USP9X: variants seen among roughly 807,000 people sequenced by gnomAD.
USP9X encodes ubiquitin carboxyl-terminal hydrolase 9X.
A neutral mutation model predicts 190.3 loss-of-function variants in USP9X; 7 were observed. That is an observed-to-expected ratio of 0.04 (90% CI 0.02 to 0.07). The LOEUF (loss-of-function observed/expected upper bound fraction) is 0.07, where lower values mean the gene tolerates loss of function less well. Ranked by LOEUF, USP9X falls within the 10% of genes least tolerant of loss-of-function variation. The pLI is 1.00. For synonymous variants in USP9X, 645 were observed against 659.5 expected, an observed-to-expected ratio of 0.98 and a Z score of 0.34; for missense variants, 1,010 against 1,916.9, an observed-to-expected ratio of 0.53 and a Z score of 8.83.
chrX:41,216,527 T>C lies in USP9X; in HGVS notation c.5960T>C (p.Ile1987Thr). The C allele has an allele frequency of 1.7e-6, 2 of 1,211,425 alleles. No individual in the cohort carries two copies. The highest frequency in any genetic ancestry group is 1.1e-6 in the Non-Finnish European group (1 of 895,459). ...CATCAGATTATTATGCCATCAGCCATTGAGAGAAGTGTACGGAAACAGAAC... is the reference window on the plus strand; with the variant it reads ...CATCAGATTATTATGCCATCAGCCACTGAGAGAAGTGTACGGAAACAGAAC... ...RPHQIIMPSA[I>T]ERSVRKQNVQ... The change falls in exon 35 of 45, where the codon ATT becomes ACT. Residue 1987 changes from isoleucine (I) to threonine (T), a missense_variant. Physicochemically the swap from Ile to Thr is moderately conservative, Grantham distance 89. Around this residue, in one of 11 missense-constraint regions of USP9X, gnomAD observed 31 missense variants for 27.2 expected, o/e 1.14. Transcript: ENST00000378308.
intron 1 of USP9X, among the ~76,000 whole-genome samples, chrX:41,095,038 C>T (rs773129299): frequency 8.1e-5 from 8 of 98,975 alleles, no homozygotes; most frequent in South Asian, 4.9e-4. Flanking sequence ...AGCGAGACTC[C>T]GTCTCAAAAA....
chrX:41,110,148 G>T (rs1028075657), intron 1 of USP9X, among the ~76,000 whole-genome samples: 6 of 111,035 alleles, frequency 5.4e-5, no homozygotes, highest in African/African-American at 2.0e-4. Flanking sequence ...GCCCAGGCTG[G>T]CCTCAAACTC....
At chrX:41,204,233 CTTCT>C (rs1255925322) in intron 31 of USP9X, among the ~76,000 whole-genome samples, 3 of 111,474 alleles carry the variant, frequency 2.7e-5, no homozygotes, top group African/African-American at 9.8e-5. Context: ...ACTTGTTGAT[CTTCT>C]TTGTCTATTT....
rs377644592 is a variant in USP9X, at chrX:41,190,144, T to C, written c.3977+669T>C. On this transcript the variant is annotated intron_variant, in intron 26 of 44. Coordinates refer to ENST00000378308, the MANE Select transcript of USP9X (RefSeq NM_001039591.3). ...TTTGTGAAAAGACACAGAAAATGTT[T>C]ACTTTCATCATTCCATCACATGCCA... 1.2e-4 allele frequency among the ~76,000 whole-genome samples: 13 copies of C among 112,556 alleles called. No homozygotes were observed. The South Asian group carries it at 1.8e-3, about 16-fold the overall frequency.
intron 21 of USP9X, among the ~76,000 whole-genome samples, chrX:41,172,565 T>A (rs913355272): frequency 1.7e-4 from 19 of 111,907 alleles, no homozygotes; most frequent in African/African-American, 6.2e-4. Flanking sequence ...AAAACTTAAC[T>A]GTTACATACC....
At chrX:41,142,500 T>C (rs759031453) in intron 9 of USP9X, among the ~76,000 whole-genome samples, 5 of 111,602 alleles carry the variant, frequency 4.5e-5, no homozygotes, top group Non-Finnish European at 7.5e-5. Flanking sequence ...TGTATATATG[T>C]AGAATAACAT....
chrX:41,088,456 CACA>C (rs765806802), intron 1 of USP9X, among the ~76,000 whole-genome samples: 27 of 112,424 alleles, frequency 2.4e-4, no homozygotes, highest in East Asian at 8.3e-4. Context: ...TAGTTGGTCA[CACA>C]ACAAGTGTCT....
chrX:41,175,522 CA>C (rs1248923490), intron 21 of USP9X, among the ~76,000 whole-genome samples: 48 of 100,879 alleles, frequency 4.8e-4, no homozygotes, highest in South Asian at 8.7e-4. Flanking sequence ...GACGCTGTCT[CA>C]AAAAAAAAAA....
intron 3 of USP9X, among the ~76,000 whole-genome samples, chrX:41,130,569 A>C (rs1263309645): frequency 1.9e-5 from 2 of 105,001 alleles, no homozygotes; most frequent in Non-Finnish European, 2.0e-5. Flanking sequence ...GCTCACTGCA[A>C]CCTTCGCCTC....
chrX:41,159,690 C>T (rs765563776), intron 14 of USP9X, among the ~76,000 whole-genome samples: 45 of 111,325 alleles, frequency 4.0e-4, no homozygotes, highest in African/African-American at 1.2e-3. Flanking sequence ...CCGCCATTCC[C>T]GGCTAATTTT....
intron 1 of USP9X, among the ~76,000 whole-genome samples, chrX:41,110,131 T>C: frequency 9.0e-6 from 1 of 111,318 alleles, no homozygotes; most frequent in African/African-American, 3.3e-5. Context: ...AGGGGCCTCA[T>C]TTTGTTGCCC....
At chrX:41,231,731 C>CAA (rs750438773) in intron 44 of USP9X, among the ~76,000 whole-genome samples, 3 of 47,931 alleles carry the variant, frequency 6.3e-5, no homozygotes, top group African/African-American at 7.1e-5. Context: ...ACTCCCATCT[C>CAA]AAAAAAAAAA....
intron 30 of USP9X, 117 bp from the exon 31 acceptor site, chrX:41,200,943 T>TAAACAC (rs1336870286): frequency 5.9e-5 from 42 of 712,878 alleles, no homozygotes; most frequent in Non-Finnish European, 8.0e-5. Flanking sequence ...CAGGTTGCTG[T>TAAACAC]AGGGTTAGTC....
chrX:41,101,369 G>C (rs1442342568), intron 1 of USP9X, among the ~76,000 whole-genome samples: 1 of 109,206 alleles, frequency 9.2e-6, no homozygotes, highest in African/African-American at 3.3e-5. Flanking sequence ...CACGAGGTCA[G>C]GAGTTCGAGA....
rs189725639 is a variant in USP9X, at chrX:41,204,092, A to G, written c.4825-1211A>G. On this transcript the variant is annotated intron_variant, in intron 31 of 44. Coordinates refer to ENST00000378308, the MANE Select transcript of USP9X (RefSeq NM_001039591.3). ...CTCCAATTTCTCCATATCCTTGCCAACACTTGTTATACTCACTCGTTCTGG... is the reference window on the plus strand; with the variant it reads ...CTCCAATTTCTCCATATCCTTGCCAGCACTTGTTATACTCACTCGTTCTGG... 2.8e-3 allele frequency among the ~76,000 whole-genome samples: 315 copies of G among 111,986 alleles called. 1 individual carries two copies. Among genetic ancestry groups the G allele is most frequent in the African/African-American group, 9.8e-3 (301 of 30,859 alleles).
In USP9X at chrX:41,232,811, T is replaced by TAA; in HGVS notation, c.*287_*288insAA. On this transcript the variant is annotated 3_prime_UTR_variant, in exon 45 of 45. Transcript: ENST00000378308. Reference sequence around the variant, plus strand: ...TGTTAATTCTTAAGCAAGAAACTTTTTTCTTGATGAGACTCACAGATCTAC... The same window carrying TAA: ...TGTTAATTCTTAAGCAAGAAACTTTTAATTCTTGATGAGACTCACAGATCTAC... 1 of 125,267 alleles carries TAA rather than the reference T, an allele frequency of 8.0e-6. No individual in the cohort carries two copies. The highest frequency in any genetic ancestry group is 1.5e-5 in the Non-Finnish European group (1 of 65,117). The allele number at this position is 125,267 out of a possible 1,213,427, so 10.3% of individuals were successfully genotyped here. A position where few individuals can be genotyped will look rare whatever the true frequency, so the allele number is the denominator to read the frequency against.
At chrX:41,150,755 T>G (rs1008835229) in intron 12 of USP9X, among the ~76,000 whole-genome samples, 166 bp from the exon 13 acceptor site, 2 of 112,223 alleles carry the variant, frequency 1.8e-5, no homozygotes, top group Non-Finnish European at 3.8e-5. Flanking sequence ...AAAAACAAAC[T>G]TAAAGCTTTT....
chrX:41,156,474 C>T (rs534832404), intron 14 of USP9X, among the ~76,000 whole-genome samples: 2 of 112,074 alleles, frequency 1.8e-5, no homozygotes, highest in Admixed American at 1.9e-4. Context: ...CTCCCTTACC[C>T]CATTCAGTGC....
At chrX:41,196,097 CTTG>C (rs2062981850) in intron 26 of USP9X, 151 bp from the exon 27 acceptor site, 1 of 591,201 alleles carries the variant, frequency 1.7e-6, no homozygotes, top group African/African-American at 2.2e-5. Context: ...GGCTTGAGTG[CTTG>C]TTGTGTGTAG....
Sources: gnomAD v4.1 joint callset for allele counts (sites outside exome capture counted in the v4.1 genomes callset) on GRCh38, gnomAD v4.1.1 for gene constraint, gnomAD v4.1.1 regional missense constraint, MANE v1.5 for transcripts, NCBI Gene and HGNC (gene_info 2026-07-23, HGNC 2026-07-21) for gene names.